Variants in TLE4 observed in about 807,000 individuals in gnomAD.
TLE4 encodes TLE family member 4, transcriptional corepressor, also known as transducin-like enhancer protein 4.
TLE4 carries 8 observed loss-of-function variants against 92.8 expected under a neutral mutation model. The observed-to-expected ratio is 0.09, with a 90% CI of 0.05 to 0.16. TLE4 has a LOEUF of 0.16. TLE4 is among the 10% of genes least tolerant of loss of function. TLE4 has a pLI of 1.00. For synonymous variants in TLE4, 371 were observed against 374.1 expected, an observed-to-expected ratio of 0.99 and a Z score of 0.10; for missense variants, 675 against 997.6, an observed-to-expected ratio of 0.68 and a Z score of 4.36.
chr9:79,580,698 A>G (rs1478749893), intron 4 of TLE4, among the ~76,000 whole-genome samples: 5 of 150,186 alleles, frequency 3.3e-5, no homozygotes, highest in African/African-American at 1.2e-4. Flanking sequence ...TGTGTCTGTT[A>G]TATTCTTACC....
At chr9:79,598,270 A>G (rs944683061) in intron 4 of TLE4, among the ~76,000 whole-genome samples, 1 of 151,650 alleles carries the variant, frequency 6.6e-6, no homozygotes, top group South Asian at 2.1e-4. Context: ...AAAGAAAAAA[A>G]AAAAAGACTC....
At chr9:79,687,538 C>T (rs2066146386) in intron 8 of TLE4, among the ~76,000 whole-genome samples, 1 of 152,164 alleles carries the variant, frequency 6.6e-6, no homozygotes, top group African/African-American at 2.4e-5. Context: ...TTACTTCTTA[C>T]ATGTTTGATA....
At chr9:79,711,838 T>G (rs1249326178) in intron 14 of TLE4, among the ~76,000 whole-genome samples, 1 of 152,178 alleles carries the variant, frequency 6.6e-6, no homozygotes, top group African/African-American at 2.4e-5. Flanking sequence ...AATTTTTGTT[T>G]ATGAGAGTGA....
chr9:79,592,177 CTCTTCCTCTTCT>C (rs1447242691), intron 4 of TLE4, among the ~76,000 whole-genome samples: 7 of 115,918 alleles, frequency 6.0e-5, no homozygotes, highest in South Asian at 3.0e-4. Context: ...CTTCCTCTTC[CTCTTCCTCTTCT>C]TCTTCTTCTT....
At chr9:79,707,161 C>T (rs758687074) in intron 11 of TLE4, 20 of 1,612,754 alleles carry the variant, frequency 1.2e-5, no homozygotes, top group African/African-American at 1.2e-4. Context: ...CACGTCTTAG[C>T]GAAGATGAAC....
intron 19 of TLE4, among the ~76,000 whole-genome samples, chr9:79,724,399 A>G (rs1588678754): frequency 6.6e-6 from 1 of 152,170 alleles, no homozygotes; most frequent in South Asian, 2.1e-4. Context: ...CCCCGTCTTA[A>G]TGGTAGAATA....
intron 4 of TLE4, among the ~76,000 whole-genome samples, chr9:79,584,658 T>G (rs2040608574): frequency 6.6e-6 from 1 of 152,148 alleles, no homozygotes; most frequent in Admixed American, 6.5e-5. Context: ...TAGCCAAGAA[T>G]ATGTGTGATT....
intron 16 of TLE4, among the ~76,000 whole-genome samples, 180 bp from the exon 17 acceptor site, chr9:79,721,561 G>A (rs2075648892): frequency 6.6e-6 from 1 of 152,074 alleles, no homozygotes; most frequent in African/African-American, 2.4e-5. Flanking sequence ...AAAAGTACAG[G>A]ACATGTGGCA....
intron 8 of TLE4, among the ~76,000 whole-genome samples, chr9:79,694,854 A>G (rs1224663352): frequency 1.3e-5 from 2 of 151,896 alleles, no homozygotes; most frequent in Non-Finnish European, 2.9e-5. Flanking sequence ...AAACATTTCA[A>G]GGAGCTCCCC....
Position 79,653,831 on chromosome 9 carries a change from T to C in TLE4, c.593-228T>C, listed in dbSNP as rs530166046. Among the ~76,000 whole-genome samples the C allele has an allele frequency of 2.6e-5, 4 of 152,350 alleles. No individual in the cohort carries two copies. In the East Asian group the frequency reaches 7.7e-4, roughly 29 times the overall value. On this transcript the variant is annotated intron_variant, in intron 7 of 19. Transcript: ENST00000376552. ...ATAAGGAGCACAGATAATAAGAATGTCCAGCTTTGGTTCTTCTGAAATTGT... is the reference window on the plus strand; with the variant it reads ...ATAAGGAGCACAGATAATAAGAATGCCCAGCTTTGGTTCTTCTGAAATTGT...
At chr9:79,702,665 T>C (rs1588436424) in intron 8 of TLE4, among the ~76,000 whole-genome samples, 1 of 152,192 alleles carries the variant, frequency 6.6e-6, no homozygotes. Context: ...GAACGTTTGA[T>C]AGGTCTAGGG....
At chr9:79,587,266 C>T (rs1055388293) in intron 4 of TLE4, among the ~76,000 whole-genome samples, 2 of 152,134 alleles carry the variant, frequency 1.3e-5, no homozygotes, top group African/African-American at 2.4e-5. Context: ...AAGCTGTCTT[C>T]GTTTCTGAGT....
chr9:79,723,064 ATGTT>A, intron 19 of TLE4, 29 bp downstream of exon 19: 1 of 1,592,936 alleles, frequency 6.3e-7, no homozygotes, highest in Non-Finnish European at 8.6e-7. Context: ...ACTACCACTT[ATGTT>A]TGTTTAATCA....
rs141306044 is a variant in TLE4, at chr9:79,585,593, T to G, written c.252+9416T>G. Among the ~76,000 whole-genome samples the G allele has an allele frequency of 1.3e-3, 198 of 152,304 alleles. 3 individuals are homozygous for G. Among genetic ancestry groups the G allele is most frequent in the Admixed American group, 0.012 (181 of 15,306 alleles). On this transcript the variant is annotated intron_variant, in intron 4 of 19. Coordinates refer to ENST00000376552, the MANE Select transcript of TLE4 (RefSeq NM_007005.6). Reference sequence around the variant, plus strand: ...GGCGTAAGTGAACGCCCAGATCTCTTTTAGCTCTTTTGGTTAAAATGACCA... The same window carrying G: ...GGCGTAAGTGAACGCCCAGATCTCTGTTAGCTCTTTTGGTTAAAATGACCA...
chr9:79,711,019 G>C (rs1588528663), intron 14 of TLE4, among the ~76,000 whole-genome samples: 1 of 152,166 alleles, frequency 6.6e-6, no homozygotes, highest in African/African-American at 2.4e-5. Flanking sequence ...TTTCACCCTG[G>C]TGTTAATTGC....
At chr9:79,613,892 T>C (rs2048923972) in intron 5 of TLE4, among the ~76,000 whole-genome samples, 1 of 152,172 alleles carries the variant, frequency 6.6e-6, no homozygotes, top group African/African-American at 2.4e-5. Context: ...TATTCACAAA[T>C]CTTGTTGACA....
At chr9:79,653,004 A>T in intron 7 of TLE4, 1 of 669,112 alleles carries the variant, frequency 1.5e-6, no homozygotes, top group Non-Finnish European at 2.8e-6. Flanking sequence ...CTAGAGGCAG[A>T]GGGGCCTATT....
chr9:79,615,920 G>T (rs1037801209), intron 5 of TLE4, among the ~76,000 whole-genome samples: 14 of 152,130 alleles, frequency 9.2e-5, no homozygotes, highest in Admixed American at 8.5e-4. Context: ...GTCATTAAAA[G>T]TGAGTACTCA....
At position 79,726,358 on chromosome 9, in the gene TLE4, T is replaced by TA. The variant is rs2076375061; in HGVS notation, c.*1219dup. On this transcript the variant is annotated 3_prime_UTR_variant, in exon 20 of 20. Transcript: ENST00000376552. ...TTTATTATTTTTTGTTTGAATGCTT[T>TA]AAAAATCTTTTAAGTCTGTGGATCT... The TA allele has an allele frequency of 6.5e-6, 1 of 152,672 alleles. No individual in the cohort carries two copies. The highest frequency in any genetic ancestry group is 1.5e-5 in the Non-Finnish European group (1 of 68,050). The allele number at this position is 152,672 out of a possible 1,614,324, so 9.5% of individuals were successfully genotyped here.
Sources: gnomAD v4.1 joint callset for allele counts (sites outside exome capture counted in the v4.1 genomes callset) on GRCh38, gnomAD v4.1.1 for gene constraint, MANE v1.5 for transcripts, NCBI Gene and HGNC (gene_info 2026-07-23, HGNC 2026-07-21) for gene names.